LARP4B: variants seen among roughly 807,000 people sequenced by gnomAD.
The protein encoded by LARP4B is la-related protein 4B.
LARP4B carries 12 observed loss-of-function variants against 89.8 expected under a neutral mutation model. The ratio of observed to expected loss-of-function variants is 0.13; its 90% CI spans 0.09 to 0.22. The LOEUF (loss-of-function observed/expected upper bound fraction) is 0.22. LARP4B is among the 10% of genes least tolerant of loss of function. LARP4B has a pLI of 1.00. For missense variants in LARP4B, 757 were observed against 947.7 expected, an observed-to-expected ratio of 0.80 and a Z score of 2.64; for synonymous variants, 367 against 363.3, an observed-to-expected ratio of 1.01 and a Z score of -0.12.
chr10:984,856 T>G, the LARP4B span, among the ~76,000 whole-genome samples: 4 of 152,098 alleles, frequency 2.6e-5, no homozygotes, highest in Non-Finnish European at 4.4e-5. Flanking sequence ...TGCTTAAACC[T>G]GGGAGGTGGA....
chr10:898,915 T>C (rs1203672315), intron 1 of LARP4B, among the ~76,000 whole-genome samples: 3 of 152,214 alleles, frequency 2.0e-5, no homozygotes, highest in Non-Finnish European at 2.9e-5. Flanking sequence ...CTGGAGATCA[T>C]TTAACAGGCA....
chr10:841,411 C>T (rs1191191573), intron 7 of LARP4B, among the ~76,000 whole-genome samples: 3 of 152,038 alleles, frequency 2.0e-5, no homozygotes, highest in Admixed American at 6.5e-5. Context: ...ATAAAAAAGG[C>T]GGGAGGAGAT....
upstream of LARP4B, among the ~76,000 whole-genome samples, chr10:935,381 C>T (rs773333642): frequency 8.5e-5 from 13 of 152,184 alleles, no homozygotes; most frequent in Non-Finnish European, 1.6e-4. Flanking sequence ...AATGTGCTTC[C>T]TGTACTTGGA....
intron 1 of LARP4B, among the ~76,000 whole-genome samples, chr10:906,286 TTTG>T (rs1462581638): frequency 6.6e-5 from 10 of 152,224 alleles, no homozygotes; most frequent in African/African-American, 1.9e-4. Context: ...TTCTCTGTGA[TTTG>T]TTTTTGAGAT....
chr10:904,651 A>C (rs1434827218), intron 1 of LARP4B, among the ~76,000 whole-genome samples: 1 of 152,258 alleles, frequency 6.6e-6, no homozygotes, highest in South Asian at 2.1e-4. Flanking sequence ...GTGACCTTTT[A>C]ATCACAACAC....
chr10:985,727 A>AGTAG, the LARP4B span: 1 of 152,246 alleles, frequency 6.6e-6, no homozygotes, highest in Non-Finnish European at 1.5e-5. Flanking sequence ...ACTGTAATTC[A>AGTAG]GTAGGACTAC....
the LARP4B span, among the ~76,000 whole-genome samples, chr10:966,610 C>T: frequency 5.3e-5 from 8 of 152,184 alleles, no homozygotes; most frequent in African/African-American, 1.2e-4. Flanking sequence ...AGCTCAAACC[C>T]GAGAGGCACA....
chr10:839,073 G>A (rs985000493), intron 7 of LARP4B, among the ~76,000 whole-genome samples: 2 of 152,212 alleles, frequency 1.3e-5, no homozygotes, highest in African/African-American at 2.4e-5. Context: ...AACTACAGAG[G>A]CAGTAAAAAG....
intron 13 of LARP4B, among the ~76,000 whole-genome samples, chr10:823,928 C>T (rs1430188685): frequency 6.6e-6 from 1 of 152,196 alleles, no homozygotes; most frequent in African/African-American, 2.4e-5. Context: ...AATGCCACTG[C>T]ACAATCCCTG....
chr10:915,845 A>C (rs1257512933), intron 1 of LARP4B, among the ~76,000 whole-genome samples: 1 of 152,248 alleles, frequency 6.6e-6, no homozygotes, highest in East Asian at 1.9e-4. Flanking sequence ...AAAAAAAAAA[A>C]AAAAAGGTTT....
At chr10:914,429 A>G (rs186800173) in intron 1 of LARP4B, among the ~76,000 whole-genome samples, 60 of 151,992 alleles carry the variant, frequency 3.9e-4, no homozygotes, top group Admixed American at 6.6e-4. Flanking sequence ...TAAAAAAGAA[A>G]GGTAGGTTGC....
At chr10:882,768 T>C (rs1835723049) in intron 3 of LARP4B, among the ~76,000 whole-genome samples, 1 of 152,226 alleles carries the variant, frequency 6.6e-6, no homozygotes, top group African/African-American at 2.4e-5. Flanking sequence ...AATGCAAATC[T>C]GCTCCTGAAT....
intron 1 of LARP4B, among the ~76,000 whole-genome samples, chr10:901,634 A>C (rs533707732): frequency 6.6e-5 from 10 of 152,268 alleles, no homozygotes; most frequent in Admixed American, 5.9e-4. Context: ...TCTTATAGTA[A>C]GTGTGTCACT....
intron 3 of LARP4B, among the ~76,000 whole-genome samples, chr10:872,635 A>C (rs1835275692): frequency 6.6e-6 from 1 of 152,176 alleles, no homozygotes; most frequent in Non-Finnish European, 1.5e-5. Flanking sequence ...AAGAGTTTTT[A>C]CAAGTAGCTG....
the LARP4B span, among the ~76,000 whole-genome samples, chr10:984,520 T>G: frequency 6.6e-6 from 1 of 152,182 alleles, no homozygotes; most frequent in Admixed American, 6.5e-5. Context: ...TCAGCAGCTC[T>G]GACGTGAGCA....
chr10:883,485 G>A (rs564026288), intron 3 of LARP4B, among the ~76,000 whole-genome samples: 1 of 151,666 alleles, frequency 6.6e-6, no homozygotes, highest in East Asian at 1.9e-4. Context: ...ACACCAGCCT[G>A]GGCAACAAGA....
chr10:980,830 A>T, the LARP4B span, among the ~76,000 whole-genome samples: 2 of 152,218 alleles, frequency 1.3e-5, no homozygotes, highest in Admixed American at 1.3e-4. Flanking sequence ...ATCCCTAGCA[A>T]GTGGTCATTC....
the LARP4B span, among the ~76,000 whole-genome samples, chr10:958,117 T>A: frequency 1.3e-5 from 2 of 152,206 alleles, no homozygotes; most frequent in Non-Finnish European, 2.9e-5. Flanking sequence ...TTCCTCCGCG[T>A]AACTGTGGTA....
chr10:933,957 G>A (rs112308439), upstream of LARP4B, among the ~76,000 whole-genome samples: 8 of 151,494 alleles, frequency 5.3e-5, no homozygotes, highest in African/African-American at 1.2e-4. Flanking sequence ...CTCAGCCTCC[G>A]GAGTAGCTGA....
Sources: gnomAD v4.1 joint callset for allele counts (sites outside exome capture counted in the v4.1 genomes callset) on GRCh38, gnomAD v4.1.1 for gene constraint, MANE v1.5 for transcripts, NCBI Gene and HGNC (gene_info 2026-07-23, HGNC 2026-07-21) for gene names.